Variants in NCK2 observed in about 807,000 individuals in gnomAD.
The protein encoded by NCK2 is cytoplasmic protein NCK2.
Under a neutral mutation model 33.9 loss-of-function variants are expected in NCK2, and 16 were observed. The observed-to-expected ratio is 0.47, with a 90% confidence interval of 0.32 to 0.72. The LOEUF (loss-of-function observed/expected upper bound fraction) is 0.72. NCK2 is among the 30% of genes least tolerant of loss of function. The pLI, the probability that NCK2 is intolerant of heterozygous loss-of-function variation, is 0.03. For synonymous variants in NCK2, 273 were observed against 239.9 expected, an observed-to-expected ratio of 1.14 and a Z score of -1.27; for missense variants, 418 against 537.3, an observed-to-expected ratio of 0.78 and a Z score of 2.19.
intron 4 of NCK2, among the ~76,000 whole-genome samples, chr2:105,885,119 C>T (rs1193370671): frequency 6.6e-6 from 1 of 152,184 alleles, no homozygotes; most frequent in Admixed American, 6.5e-5. Flanking sequence ...TGCTGCATCT[C>T]CCATCCTTGT....
rs771417618 is a variant in NCK2, at chr2:105,881,379, C to T, written c.278C>T (p.Pro93Leu). The T allele has an allele frequency of 2.5e-6, 4 of 1,610,310 alleles. No homozygotes were observed. Among genetic ancestry groups the T allele is most frequent in the South Asian group, 1.1e-5 (1 of 91,026 alleles). Reference sequence around the variant, plus strand: ...AGCGCGCGGGATGCGTCCCCCACGCCCAGCACGGACGCCGAGTACCCCGCC... The same window carrying T: ...AGCGCGCGGGATGCGTCCCCCACGCTCAGCACGGACGCCGAGTACCCCGCC... Reference protein sequence around the residue: ...KTSARDASPTPSTDAEYPANG... With the variant: ...KTSARDASPTLSTDAEYPANG... The change falls in exon 4 of 5, where the codon CCC becomes CTC. Residue 93 changes from proline to leucine, a missense_variant. Transcript: ENST00000233154.
chr2:105,748,461 T>C (rs1001445986), intron 1 of NCK2, among the ~76,000 whole-genome samples: 1 of 150,694 alleles, frequency 6.6e-6, no homozygotes, highest in South Asian at 2.2e-4. Flanking sequence ...CACAGCTCAC[T>C]GCATCCTCGA....
intron 2 of NCK2, among the ~76,000 whole-genome samples, chr2:105,844,776 A>G (rs1676792294): frequency 6.8e-6 from 1 of 146,626 alleles, no homozygotes; most frequent in Admixed American, 6.8e-5. Flanking sequence ...ATATGTATGT[A>G]TGTATATATG....
rs565465106 is a variant in NCK2, at chr2:105,775,739, C to T, written c.-201+30601C>T. ...TACCCTGGGAGCCTGGCTGGCATCA[C>T]TGGGAGCACCACACCTCCCGGTGTG... On this transcript the variant is annotated intron_variant, in intron 1 of 4. Coordinates refer to ENST00000233154, the MANE Select transcript of NCK2 (RefSeq NM_003581.5). 2.5e-3 allele frequency among the ~76,000 whole-genome samples: 382 copies of T among 152,182 alleles called. 3 individuals carry two copies. The highest frequency in any genetic ancestry group is 8.6e-3 in the African/African-American group (357 of 41,512).
At chr2:105,833,733 T>C (rs1176323088) in intron 2 of NCK2, among the ~76,000 whole-genome samples, 1 of 152,128 alleles carries the variant, frequency 6.6e-6, no homozygotes, top group Non-Finnish European at 1.5e-5. Context: ...TTGGGTTTGG[T>C]TTGTTCTCAC....
intron 2 of NCK2, among the ~76,000 whole-genome samples, chr2:105,832,848 T>C (rs536546401): frequency 0.029 from 2,129 of 73,392 alleles, 43 homozygotes; most frequent in African/African-American, 0.19. Context: ...TCTCTTCTCT[T>C]TTTTTTTTTT....
At chr2:105,869,277 A>G (rs918328903) in intron 3 of NCK2, among the ~76,000 whole-genome samples, 4 of 152,188 alleles carry the variant, frequency 2.6e-5, no homozygotes, top group Non-Finnish European at 4.4e-5. Flanking sequence ...GTCCCTAGCC[A>G]TAACAGCGAA....
intron 1 of NCK2, among the ~76,000 whole-genome samples, chr2:105,812,811 A>C (rs1549770): frequency 0.33 from 45,012 of 134,568 alleles, 7,392 homozygotes; most frequent in South Asian, 0.38. Context: ...ACTATTCAAC[A>C]AGGCTTTTTT....
chr2:105,807,868 ATCTCTCCCTCCCTCCCTTCTCTCTATC>A (rs1675142100), intron 1 of NCK2, among the ~76,000 whole-genome samples: 1 of 33,742 alleles, frequency 3.0e-5, no homozygotes, highest in African/African-American at 1.7e-4. Flanking sequence ...CCTTCTCTCT[ATCTCTCCCTCCCTCCCTTCTCTCTATC>A]TCTCTCTCTT....
chr2:105,754,748 A>C (rs1356665959), intron 1 of NCK2, among the ~76,000 whole-genome samples: 1 of 151,830 alleles, frequency 6.6e-6, no homozygotes, highest in Non-Finnish European at 1.5e-5. Flanking sequence ...TAAAAAGCAC[A>C]AGCTACTTGA....
intron 2 of NCK2, among the ~76,000 whole-genome samples, chr2:105,839,826 C>T (rs1676570444): frequency 6.6e-6 from 1 of 152,172 alleles, no homozygotes; most frequent in Non-Finnish European, 1.5e-5. Flanking sequence ...GGCTACCCCT[C>T]CATCTTTAGT....
intron 2 of NCK2, among the ~76,000 whole-genome samples, chr2:105,852,365 T>C (rs1677101144): frequency 6.6e-6 from 1 of 152,200 alleles, no homozygotes; most frequent in Non-Finnish European, 1.5e-5. Flanking sequence ...GTTCTCTCAC[T>C]TGGCCTTTCC....
chr2:105,846,956 G>T (rs778508759), intron 2 of NCK2, among the ~76,000 whole-genome samples: 2 of 152,204 alleles, frequency 1.3e-5, no homozygotes, highest in Non-Finnish European at 2.9e-5. Flanking sequence ...ACAAAATGTG[G>T]TATATGCATA....
chr2:105,839,879 G>T (rs543209959), intron 2 of NCK2, among the ~76,000 whole-genome samples: 15 of 152,322 alleles, frequency 9.8e-5, no homozygotes, highest in African/African-American at 3.1e-4. Context: ...AAGAAGGAAG[G>T]GTCAGCAAGG....
In NCK2 at chr2:105,870,928, C is replaced by T. The variant is rs915342657; in HGVS notation, c.227-10400C>T. On this transcript the variant is annotated intron_variant, in intron 3 of 4. Coordinates refer to ENST00000233154, the MANE Select transcript of NCK2 (RefSeq NM_003581.5). ...ACGGGTGTGTGAGTGCCCAGCACAT[C>T]GTAGGATCTTGGTGGAAGGGAAGGA... Among the ~76,000 whole-genome samples, 16 of 151,840 alleles carry T rather than the reference C, an allele frequency of 1.1e-4. 1 individual carries two copies. The highest frequency in any genetic ancestry group is 9.2e-4 in the Admixed American group (14 of 15,256).
At position 105,787,039 on chromosome 2, in the gene NCK2, T is replaced by C. The variant is rs538751095; in HGVS notation, c.-200-29391T>C. Reference sequence around the variant, plus strand: ...TGAGCATGTGCCCTGCTTTCCTCTCTTCTGCCCTTTGCTGCGACTCCTCTG... The same window carrying C: ...TGAGCATGTGCCCTGCTTTCCTCTCCTCTGCCCTTTGCTGCGACTCCTCTG... On this transcript the variant is annotated intron_variant, in intron 1 of 4. Transcript: ENST00000233154. Among the ~76,000 whole-genome samples the C allele has an allele frequency of 2.0e-4, 31 of 152,370 alleles. No homozygotes were observed. In the South Asian group the frequency reaches 5.6e-3, roughly 27 times the overall value.
intron 1 of NCK2, among the ~76,000 whole-genome samples, chr2:105,771,467 G>A (rs1186382235): frequency 6.6e-6 from 1 of 151,976 alleles, no homozygotes; most frequent in African/African-American, 2.4e-5. Context: ...TTGGGAGGCT[G>A]AGTCAGGAGA....
chr2:105,782,724 T>C (rs1690541745), intron 1 of NCK2, among the ~76,000 whole-genome samples: 2 of 152,176 alleles, frequency 1.3e-5, no homozygotes. Context: ...CAAAATGGGC[T>C]GCAGCTGCCT....
At chr2:105,850,019 C>G (rs1354047430) in intron 2 of NCK2, among the ~76,000 whole-genome samples, 1 of 152,142 alleles carries the variant, frequency 6.6e-6, no homozygotes, top group Admixed American at 6.5e-5. Context: ...AATGTTAAAC[C>G]TTGCCCTCTA....
Sources: allele counts gnomAD v4.1 joint callset (sites outside exome capture counted in the v4.1 genomes callset), GRCh38; gene constraint gnomAD v4.1.1; transcripts MANE v1.5; gene names NCBI Gene and HGNC (gene_info 2026-07-23, HGNC 2026-07-21).